The following FER variants were observed in gnomAD, a reference collection of about 807,000 sequenced individuals.
The protein encoded by FER is tyrosine-protein kinase Fer.
FER carries 63 observed loss-of-function variants against 111.0 expected under a neutral mutation model. That is an observed-to-expected ratio of 0.57 (90% CI 0.46 to 0.70). FER has a LOEUF of 0.70. FER is among the 30% of genes least tolerant of loss of function. The probability of loss-of-function intolerance (pLI) is 0.00; values close to 1 mark genes in which losing one functional copy is unlikely to be tolerated. For synonymous variants in FER, 327 were observed against 313.9 expected, an observed-to-expected ratio of 1.04 and a Z score of -0.44; for missense variants, 914 against 954.0, an observed-to-expected ratio of 0.96 and a Z score of 0.55.
At chr5:108,893,289 C>T (rs943808716) in intron 9 of FER, among the ~76,000 whole-genome samples, 5 of 151,800 alleles carry the variant, frequency 3.3e-5, no homozygotes, top group Non-Finnish European at 7.4e-5. Flanking sequence ...ATTGGTTCTT[C>T]CTACCCTTGT....
chr5:109,062,847 T>C (rs1255544108), intron 16 of FER, among the ~76,000 whole-genome samples: 4 of 152,278 alleles, frequency 2.6e-5, no homozygotes, highest in Non-Finnish European at 4.4e-5. Flanking sequence ...TTAAATGTTA[T>C]ATTATCTGGT....
chr5:108,781,889 G>A (rs1359526979), intron 2 of FER, among the ~76,000 whole-genome samples: 3 of 150,486 alleles, frequency 2.0e-5, no homozygotes, highest in Non-Finnish European at 3.0e-5. Context: ...AAATGATTTT[G>A]TTTTCCCTCC....
intron 9 of FER, among the ~76,000 whole-genome samples, chr5:108,892,243 T>C (rs904735549): frequency 6.6e-6 from 1 of 152,230 alleles, no homozygotes; most frequent in Non-Finnish European, 1.5e-5. Flanking sequence ...ATCGCCACAC[T>C]GACTTCCACA....
At chr5:108,937,805 T>C (rs1459002069) in intron 10 of FER, among the ~76,000 whole-genome samples, 1 of 151,808 alleles carries the variant, frequency 6.6e-6, no homozygotes, top group Admixed American at 6.6e-5. Context: ...GGTGTAGTTA[T>C]GGGGTGACAG....
intron 2 of FER, among the ~76,000 whole-genome samples, chr5:108,775,883 A>G (rs1464024572): frequency 6.6e-6 from 1 of 152,114 alleles, no homozygotes; most frequent in Non-Finnish European, 1.5e-5. Context: ...CTTTGTATTC[A>G]TGTGAGGTTA....
At chr5:108,883,617 C>A in intron 9 of FER, 99 bp downstream of exon 9, 1 of 1,071,022 alleles carries the variant, frequency 9.3e-7, no homozygotes, top group Non-Finnish European at 1.3e-6. Flanking sequence ...TTTCTAGAAA[C>A]AGAAACTTTT....
chr5:109,181,128 C>T (rs1387056417), intron 18 of FER, among the ~76,000 whole-genome samples: 3 of 151,990 alleles, frequency 2.0e-5, no homozygotes, highest in Admixed American at 2.0e-4. Context: ...TTAAATATGA[C>T]TATACATCTG....
intron 17 of FER, among the ~76,000 whole-genome samples, chr5:109,141,161 T>G (rs903259686): frequency 3.9e-5 from 6 of 152,162 alleles, no homozygotes; most frequent in African/African-American, 1.4e-4. Context: ...TACAGAATAC[T>G]AGGGAGGGCC....
At chr5:108,765,851 A>G (rs1299015103) in intron 1 of FER, among the ~76,000 whole-genome samples, 1 of 152,158 alleles carries the variant, frequency 6.6e-6, no homozygotes, top group African/African-American at 2.4e-5. Context: ...CTGTATGAGT[A>G]ATACTGTTTA....
Position 108,845,067 on chromosome 5 carries a change from T to TATACACATATATATATATATACACACAC in FER, c.481+9261_481+9262insTACACATATATATATATATACACACACA, listed in dbSNP as rs1486282738. On this transcript the variant is annotated intron_variant, in intron 5 of 19. Transcript: ENST00000281092. ...ATATATATATATATATATATATATA[T>TATACACATATATATATATATACACACAC]ACACACACACACACACACACACACA... Among the ~76,000 whole-genome samples the TATACACATATATATATATATACACACAC allele has an allele frequency of 3.2e-4, 17 of 53,884 alleles. 1 individual carries two copies. Among genetic ancestry groups the TATACACATATATATATATATACACACAC allele is most frequent in the Non-Finnish European group, 5.2e-4 (15 of 28,694 alleles). 35.3% of individuals were successfully genotyped at this position (53,884 alleles called of 152,430 possible).
Position 108,972,465 on chromosome 5 carries a change from A to G in FER, c.1656+13118A>G, listed in dbSNP as rs139683293. ...ATTATTAGTCTCCTTTAGTTGACAT[A>G]CATACTCATAAAGCATCTCATAAAA... On this transcript the variant is annotated intron_variant, in intron 13 of 19. Transcript: ENST00000281092. Among the ~76,000 whole-genome samples, 234 of 152,316 alleles carry G rather than the reference A, an allele frequency of 1.5e-3. 1 individual carries two copies. The highest frequency in any genetic ancestry group is 2.6e-3 in the Non-Finnish European group (178 of 68,014).
chr5:109,161,008 C>G (rs1402403780), intron 17 of FER, among the ~76,000 whole-genome samples: 2 of 151,994 alleles, frequency 1.3e-5, no homozygotes, highest in African/African-American at 4.8e-5. Flanking sequence ...TTCTGTCTCT[C>G]CAAGGTGCAC....
At chr5:108,899,555 T>C (rs1359938875) in intron 10 of FER, among the ~76,000 whole-genome samples, 1 of 152,086 alleles carries the variant, frequency 6.6e-6, no homozygotes, top group Non-Finnish European at 1.5e-5. Context: ...TCCCAGCACC[T>C]TGGGAGGCCG....
chr5:109,173,309 G>A (rs1234760018), intron 17 of FER, among the ~76,000 whole-genome samples: 1 of 152,188 alleles, frequency 6.6e-6, no homozygotes, highest in African/African-American at 2.4e-5. Context: ...CAGCCATTAG[G>A]CAGCAACCTC....
intron 13 of FER, among the ~76,000 whole-genome samples, chr5:108,969,299 T>C (rs1330854324): frequency 6.6e-6 from 1 of 152,176 alleles, no homozygotes; most frequent in East Asian, 1.9e-4. Context: ...CATTAGGGGC[T>C]AGTTAAATAA....
At chr5:108,982,276 A>T (rs1477157195) in intron 13 of FER, among the ~76,000 whole-genome samples, 2 of 152,122 alleles carry the variant, frequency 1.3e-5, no homozygotes, top group Admixed American at 6.6e-5. Flanking sequence ...TGGAGCCTGT[A>T]AGTTATTGTT....
rs1003332841 is a variant in FER, at chr5:108,820,369, G to A, written c.208-12401G>A. ...TGGTAGGAGAAAACTGCTGAGGTTA[G>A]GCGATTTACTTCTGAAGAATAAAGG... On this transcript the variant is annotated intron_variant, in intron 3 of 19. Transcript: ENST00000281092. 3.0e-6 allele frequency: 3 copies of A among 985,250 alleles called. No homozygotes were observed. The African/African-American group carries it at 5.2e-5, about 17-fold the overall frequency. The allele number at this position is 985,250 out of a possible 1,614,324, so 61.0% of individuals were successfully genotyped here. A position where few individuals can be genotyped will look rare whatever the true frequency, so the allele number is the denominator to read the frequency against.
intron 1 of FER, among the ~76,000 whole-genome samples, chr5:108,758,079 A>C (rs1166828108): frequency 6.6e-6 from 1 of 152,238 alleles, no homozygotes; most frequent in Non-Finnish European, 1.5e-5. Flanking sequence ...CATTATAAAA[A>C]TAATGTAGAA....
Position 109,009,601 on chromosome 5 carries a change from C to G in FER, c.1657-27821C>G, listed in dbSNP as rs182955089. 7.8e-3 allele frequency among the ~76,000 whole-genome samples: 1,190 copies of G among 152,268 alleles called. 11 individuals are homozygous for G. The highest frequency in any genetic ancestry group is 0.028 in the African/African-American group (1,163 of 41,536). The stretch of plus-strand genomic sequence containing the variant: ...CTACTCTTATAGAATCTACCTTCTC[C>G]CTTTGCGTTTTGCTTCTTTCAAGAC... On this transcript the variant is annotated intron_variant, in intron 13 of 19. Coordinates refer to ENST00000281092, the MANE Select transcript of FER (RefSeq NM_005246.4).
Sources: gnomAD v4.1 joint callset for allele counts (sites outside exome capture counted in the v4.1 genomes callset) on GRCh38, gnomAD v4.1.1 for gene constraint, MANE v1.5 for transcripts, NCBI Gene and HGNC (gene_info 2026-07-23, HGNC 2026-07-21) for gene names.